Variants in KANK1 observed in about 807,000 individuals in gnomAD.
The protein encoded by KANK1 is KN motif and ankyrin repeat domain-containing protein 1.
In KANK1, 109 loss-of-function variants were observed where a neutral mutation model predicts 106.2. That is an observed-to-expected ratio of 1.03 (90% CI 0.88 to 1.20). The LOEUF (loss-of-function observed/expected upper bound fraction) is 1.20. KANK1 is among the 50% of genes most tolerant of loss of function. The probability of loss-of-function intolerance (pLI) is 0.00; values close to 1 mark genes in which losing one functional copy is unlikely to be tolerated. For missense variants in KANK1, 2,399 were observed against 1,710.7 expected, an observed-to-expected ratio of 1.40 and a Z score of -7.10; for synonymous variants, 873 against 652.2, an observed-to-expected ratio of 1.34 and a Z score of -5.16.
exon 1 of KANK1, chr9:470,320 G>C (rs1022843470): frequency 3.9e-5 from 6 of 152,142 alleles, no homozygotes; most frequent in African/African-American, 1.5e-4. Context: ...CGTCCGAAGC[G>C]GGCGTGCTCC....
At chr9:738,189 T>C (rs1834296007) in intron 7 of KANK1, 96 bp from the exon 8 acceptor site, 4 of 992,158 alleles carry the variant, frequency 4.0e-6, no homozygotes, top group South Asian at 1.6e-5. Context: ...TGCATATATA[T>C]ACTTTGACTA....
In KANK1 at chr9:710,627, A is replaced by C. The variant is rs938206752; in HGVS notation, c.38-177A>C. Reference sequence around the variant, plus strand: ...GAATGACCTGTCTCAAAAAAAAAAAAAACAAAAAAAAACAAAAAAAACTTG... The same window carrying C: ...GAATGACCTGTCTCAAAAAAAAAAACAACAAAAAAAAACAAAAAAAACTTG... On this transcript the variant is annotated intron_variant, in intron 2 of 11. Transcript: ENST00000382297. 2.4e-4 allele frequency among the ~76,000 whole-genome samples: 25 copies of C among 102,312 alleles called. 2 individuals are homozygous for C. The highest frequency in any genetic ancestry group is 1.2e-3 in the African/African-American group (22 of 18,348). The allele number at this position is 102,312 out of a possible 152,430, so 67.1% of individuals were successfully genotyped here. A position where few individuals can be genotyped will look rare whatever the true frequency, so the allele number is the denominator to read the frequency against.
chr9:683,885 T>A (rs1818042955), intron 2 of KANK1, among the ~76,000 whole-genome samples: 1 of 152,224 alleles, frequency 6.6e-6, no homozygotes, highest in Non-Finnish European at 1.5e-5. Flanking sequence ...GAAGGCTAAT[T>A]TCACGCTGAA....
intron 1 of KANK1, among the ~76,000 whole-genome samples, chr9:530,485 T>C (rs924484758): frequency 6.6e-6 from 1 of 152,220 alleles, no homozygotes; most frequent in African/African-American, 2.4e-5. Context: ...TCCCTCTGAC[T>C]AAATCCCCCA....
chr9:472,681 G>T (rs1401994545), intron 2 of KANK1, among the ~76,000 whole-genome samples: 2 of 152,198 alleles, frequency 1.3e-5, no homozygotes, highest in African/African-American at 4.8e-5. Context: ...CAGCTGCAAG[G>T]ACTGGTTACA....
In KANK1 at chr9:676,837, T is replaced by TG. The variant is rs3831027; in HGVS notation, c.-83-53_-83-52insG. ...TTGTAAACAGAAGTCTAAGATTTAG[T>TG]TTGTACATTTTTTAAATGATCCATT... is the stretch of plus-strand genomic sequence containing the variant. On this transcript the variant is annotated intron_variant, in intron 1 of 11. Transcript: ENST00000382297. 293,351 of 679,772 alleles carry TG rather than the reference T, an allele frequency of 0.43. 68,608 individuals carry two copies. The highest frequency in any genetic ancestry group is 0.73 in the African/African-American group (40,372 of 55,026). 42.1% of individuals were successfully genotyped at this position (679,772 alleles called of 1,614,324 possible).
chr9:580,565 G>C (rs1047972104), intron 1 of KANK1, among the ~76,000 whole-genome samples: 1 of 152,220 alleles, frequency 6.6e-6, no homozygotes, highest in Non-Finnish European at 1.5e-5. Context: ...GTCCCCACTA[G>C]ATCAGCTAGA....
intron 1 of KANK1, among the ~76,000 whole-genome samples, chr9:587,340 A>T (rs937287617): frequency 6.6e-6 from 1 of 152,182 alleles, no homozygotes; most frequent in African/African-American, 2.4e-5. Flanking sequence ...TACTCTGAAG[A>T]ATAAAAGTGA....
chr9:683,783 A>G (rs994978736), intron 2 of KANK1, among the ~76,000 whole-genome samples: 1 of 152,230 alleles, frequency 6.6e-6, no homozygotes, highest in African/African-American at 2.4e-5. Context: ...ATTGCATCAT[A>G]CAGCTTCATC....
Position 478,039 on chromosome 9 carries a change from C to T in KANK1, c.-362+4766C>T, listed in dbSNP as rs1375827869. On this transcript the variant is annotated intron_variant, in intron 3 of 15. Coordinates refer to the KANK1 transcript ENST00000382303. ...GAAGAGTCAAAGGATTACAATGAAA[C>T]TGACCATTCAGAACAGACAGGCTCA... The T allele has an allele frequency of 5.2e-5, 9 of 171,960 alleles. No individual in the cohort carries two copies. In the South Asian group the frequency reaches 1.1e-3, roughly 20 times the overall value. 10.7% of individuals were successfully genotyped at this position (171,960 alleles called of 1,614,324 possible). A position where few individuals can be genotyped will look rare whatever the true frequency, so the allele number is the denominator to read the frequency against.
At chr9:707,410 C>T (rs975413927) in intron 2 of KANK1, among the ~76,000 whole-genome samples, 1 of 152,278 alleles carries the variant, frequency 6.6e-6, no homozygotes, top group Non-Finnish European at 1.5e-5. Flanking sequence ...ACACACATCC[C>T]GGGAGGCCCG....
At chr9:683,076 T>C (rs1377331299) in intron 2 of KANK1, among the ~76,000 whole-genome samples, 1 of 152,182 alleles carries the variant, frequency 6.6e-6, no homozygotes, top group Non-Finnish European at 1.5e-5. Context: ...TGAGATCATC[T>C]GTAAGGAAAC....
intron 3 of KANK1, among the ~76,000 whole-genome samples, chr9:491,170 A>AT (rs1329535400): frequency 6.6e-6 from 1 of 152,026 alleles, no homozygotes; most frequent in African/African-American, 2.4e-5. Context: ...CATGTTTTCC[A>AT]GGCTGGTCTT....
chr9:725,205 A>C (rs1283495915), intron 3 of KANK1, among the ~76,000 whole-genome samples: 3 of 152,178 alleles, frequency 2.0e-5, no homozygotes, highest in African/African-American at 7.2e-5. Context: ...GGCCTGGGGC[A>C]AGTCCTGAAC....
chr9:685,307 G>A (rs1818337143), intron 2 of KANK1, among the ~76,000 whole-genome samples: 1 of 152,144 alleles, frequency 6.6e-6, no homozygotes, highest in African/African-American at 2.4e-5. Context: ...GCTATTTTGA[G>A]ATTTAAAAAT....
Position 712,822 on chromosome 9 carries a change from A to C in KANK1, c.2056A>C (p.Thr686Pro). The change falls in exon 3 of 12, where the codon ACC becomes CCC. Residue 686 changes from threonine to proline, a missense_variant. Physicochemically the swap from Thr to Pro is conservative, Grantham distance 38. Transcript: ENST00000382297. ...DLEQVHQFTN[T>P]ETATLIESCT... ...GGAACAGGTGCACCAGTTCACCAAC[A>C]CCGAGACGGCCACCCTCATAGAGTC... 2 of 1,613,982 alleles carry C rather than the reference A, an allele frequency of 1.2e-6. No individual in the cohort carries two copies.
chr9:488,911 T>TTA (rs2058336220), intron 3 of KANK1: 1 of 151,100 alleles, frequency 6.6e-6, no homozygotes, highest in South Asian at 2.1e-4. Context: ...GAGAGATAGT[T>TTA]AAAAAAAAAG....
At chr9:629,384 T>C (rs1467512542) in intron 1 of KANK1, among the ~76,000 whole-genome samples, 1 of 152,120 alleles carries the variant, frequency 6.6e-6, no homozygotes, top group Non-Finnish European at 1.5e-5. Context: ...CCTAACTTGG[T>C]TTCTTGCTGG....
chr9:608,307 G>C (rs1181299746), intron 1 of KANK1, among the ~76,000 whole-genome samples: 1 of 151,626 alleles, frequency 6.6e-6, no homozygotes, highest in Non-Finnish European at 1.5e-5. Context: ...AAAGTGCTGG[G>C]ATTACAGGCG....
Sources: allele counts gnomAD v4.1 joint callset (sites outside exome capture counted in the v4.1 genomes callset), GRCh38; gene constraint gnomAD v4.1.1; transcripts MANE v1.5; gene names NCBI Gene and HGNC (gene_info 2026-07-23, HGNC 2026-07-21).